The following SLC30A8 variants were observed in gnomAD, a reference collection of about 807,000 sequenced individuals.
The protein encoded by SLC30A8 is solute carrier family 30 member 8, also known as proton-coupled zinc antiporter SLC30A8.
Under a neutral mutation model 36.9 loss-of-function variants are expected in SLC30A8, and 27 were observed. That is an observed-to-expected ratio of 0.73 (90% CI 0.54 to 1.01). SLC30A8 has a LOEUF of 1.01. Ranked by LOEUF, SLC30A8 falls within the 50% of genes least tolerant of loss-of-function variation. SLC30A8 has a pLI of 0.00. For synonymous variants in SLC30A8, 164 were observed against 172.4 expected (o/e 0.95, Z 0.38); for missense variants, 439 against 452.0 (o/e 0.97, Z 0.26).
chr8:116,994,422 A>G (rs1216250801), intron 1 of SLC30A8, among the ~76,000 whole-genome samples: 4 of 152,080 alleles, frequency 2.6e-5, no homozygotes, highest in African/African-American at 9.7e-5. Context: ...TGGAAAAACA[A>G]ATTGTGGCAG....
At position 117,036,029 on chromosome 8, in the gene SLC30A8, T is replaced by C. The variant is rs557660521; in HGVS notation, c.-265-3190T>C. Reference sequence around the variant, plus strand: ...TGCTGTGAAGTTCTCTGAAATGCTCTAGGGGCATTTTCCCCATTGTCTTGG... The same window carrying C: ...TGCTGTGAAGTTCTCTGAAATGCTCCAGGGGCATTTTCCCCATTGTCTTGG... On this transcript the variant is annotated intron_variant, in intron 1 of 10. Coordinates refer to the SLC30A8 transcript ENST00000427715. 2.0e-5 allele frequency among the ~76,000 whole-genome samples: 3 copies of C among 152,316 alleles called. No individual in the cohort carries two copies. The East Asian group carries it at 5.8e-4, about 29-fold the overall frequency.
At chr8:117,039,398 C>T (rs1817314652) in intron 2 of SLC30A8, 1 of 152,120 alleles carries the variant, frequency 6.6e-6, no homozygotes, top group Non-Finnish European at 1.5e-5. Flanking sequence ...TAATGGCTTA[C>T]ATCTTTCTTA....
chr8:117,082,476 G>A (rs1818703915), intron 2 of SLC30A8, among the ~76,000 whole-genome samples: 1 of 152,158 alleles, frequency 6.6e-6, no homozygotes, highest in South Asian at 2.1e-4. Context: ...CAGTGCTTCA[G>A]GGTTTTCAGG....
intron 2 of SLC30A8, among the ~76,000 whole-genome samples, chr8:117,058,791 CT>C (rs1817945179): frequency 6.6e-6 from 1 of 152,126 alleles, no homozygotes; most frequent in East Asian, 1.9e-4. Flanking sequence ...CCACACACAA[CT>C]TTTTTATTGG....
chr8:117,146,905 C>G (rs1204374379), intron 1 of SLC30A8, 49 bp from the exon 2 acceptor site: 1 of 1,607,588 alleles, frequency 6.2e-7, no homozygotes. Context: ...CAGTGAGTGG[C>G]TTGTTTGCAA....
intron 1 of SLC30A8, among the ~76,000 whole-genome samples, chr8:116,958,827 C>G (rs1814308631): frequency 1.4e-5 from 2 of 142,128 alleles, no homozygotes; most frequent in South Asian, 4.5e-4. Flanking sequence ...CTATAGCCCA[C>G]TGATGCTCTT....
At chr8:117,035,175 T>C (rs956030275) in intron 1 of SLC30A8, among the ~76,000 whole-genome samples, 1 of 152,212 alleles carries the variant, frequency 6.6e-6, no homozygotes, top group African/African-American at 2.4e-5. Flanking sequence ...TCTTAACTCA[T>C]TTCAGCATTA....
intron 6 of SLC30A8, among the ~76,000 whole-genome samples, chr8:117,168,939 C>A (rs1217375816): frequency 1.3e-5 from 2 of 152,104 alleles, no homozygotes; most frequent in African/African-American, 4.8e-5. Flanking sequence ...AGAATTGTAA[C>A]CTTAATAACT....
At chr8:117,024,206 A>G (rs560222662) in intron 1 of SLC30A8, among the ~76,000 whole-genome samples, 2 of 152,320 alleles carry the variant, frequency 1.3e-5, no homozygotes, top group South Asian at 4.1e-4. Flanking sequence ...TTCCTCCCAC[A>G]GTCTGCAAAA....
intron 2 of SLC30A8, among the ~76,000 whole-genome samples, chr8:117,075,683 AC>A (rs1327701140): frequency 6.6e-6 from 1 of 152,100 alleles, no homozygotes; most frequent in African/African-American, 2.4e-5. Flanking sequence ...CTTTAGCTTC[AC>A]CTTTCTCTAA....
chr8:117,143,294 T>C (rs575036245), intron 1 of SLC30A8, among the ~76,000 whole-genome samples: 2 of 152,256 alleles, frequency 1.3e-5, no homozygotes, highest in Middle Eastern at 6.8e-3. Context: ...TACTTTTTCA[T>C]CTCTTTTTCT....
intron 2 of SLC30A8, among the ~76,000 whole-genome samples, chr8:117,097,923 TA>T (rs34316177): frequency 0.053 from 5,330 of 100,348 alleles, 240 homozygotes; most frequent in East Asian, 0.13. Flanking sequence ...TTTAAATAAA[TA>T]TATATATTAT....
chr8:117,078,557 TC>T (rs1194983934), intron 2 of SLC30A8, among the ~76,000 whole-genome samples: 5 of 152,166 alleles, frequency 3.3e-5, no homozygotes, highest in Admixed American at 2.0e-4. Context: ...TCTCTTACAC[TC>T]AGTTCCTCAT....
intron 1 of SLC30A8, among the ~76,000 whole-genome samples, chr8:116,957,484 T>G (rs1814255487): frequency 6.6e-6 from 1 of 152,126 alleles, no homozygotes; most frequent in East Asian, 1.9e-4. Flanking sequence ...TTGGCCAGGC[T>G]GGTCTGGAGC....
chr8:117,049,862 G>A (rs1042143588), intron 2 of SLC30A8, among the ~76,000 whole-genome samples: 1 of 152,168 alleles, frequency 6.6e-6, no homozygotes, highest in Non-Finnish European at 1.5e-5. Flanking sequence ...GGCACCGAGT[G>A]GCAGTCCCCA....
chr8:117,158,819 G>T (rs1253489768), intron 4 of SLC30A8, among the ~76,000 whole-genome samples: 3 of 152,158 alleles, frequency 2.0e-5, no homozygotes, highest in African/African-American at 7.2e-5. Flanking sequence ...TATCGTGTTG[G>T]TGGACAGAAT....
At chr8:117,027,214 A>G (rs1380173338) in intron 1 of SLC30A8, among the ~76,000 whole-genome samples, 1 of 152,086 alleles carries the variant, frequency 6.6e-6, no homozygotes, top group Non-Finnish European at 1.5e-5. Flanking sequence ...ACAGGGAGAA[A>G]AAGGAGGGGC....
At chr8:117,013,853 T>C (rs113136132) in intron 1 of SLC30A8, among the ~76,000 whole-genome samples, 4 of 152,370 alleles carry the variant, frequency 2.6e-5, no homozygotes, top group African/African-American at 9.6e-5. Flanking sequence ...AAAGCCTCTC[T>C]GTAGGTCATG....
At chr8:117,079,175 C>T (rs1818584048) in intron 2 of SLC30A8, among the ~76,000 whole-genome samples, 1 of 151,952 alleles carries the variant, frequency 6.6e-6, no homozygotes. Flanking sequence ...CCATGCCTGG[C>T]TAATTTTTGT....
Sources: allele counts gnomAD v4.1 joint callset (sites outside exome capture counted in the v4.1 genomes callset), GRCh38; gene constraint gnomAD v4.1.1; transcripts MANE v1.5; gene names NCBI Gene and HGNC (gene_info 2026-07-23, HGNC 2026-07-21).